ENOX2: variants seen among roughly 807,000 people sequenced by gnomAD.
The protein encoded by ENOX2 is APK1 antigen.
In ENOX2, 36 loss-of-function variants were observed where a neutral mutation model predicts 45.0. The ratio of observed to expected loss-of-function variants is 0.80; its 90% CI spans 0.61 to 1.06. The LOEUF (loss-of-function observed/expected upper bound fraction) is 1.06, where lower values mean the gene tolerates loss of function less well. Ranked by LOEUF, ENOX2 falls within the 50% of genes least tolerant of loss-of-function variation. The pLI, the probability that ENOX2 is intolerant of heterozygous loss-of-function variation, is 0.00. For synonymous variants in ENOX2, 174 were observed against 152.3 expected (o/e 1.14, Z -1.05); for missense variants, 423 against 462.5 (o/e 0.91, Z 0.78).
intron 9 of ENOX2, 142 bp from the exon 10 acceptor site, chrX:130,656,837 C>G: frequency 2.3e-6 from 1 of 430,787 alleles, no homozygotes. Context: ...GGCAAAGAGG[C>G]ATGTTGAAAG....
chrX:130,797,917 A>C (rs1204434953), intron 2 of ENOX2, among the ~76,000 whole-genome samples: 1 of 111,179 alleles, frequency 9.0e-6, no homozygotes, highest in Non-Finnish European at 1.9e-5. Flanking sequence ...CCCAGGGCCC[A>C]ACATAATATA....
intron 3 of ENOX2, among the ~76,000 whole-genome samples, chrX:130,735,505 A>G (rs1214769123): frequency 1.8e-5 from 2 of 112,068 alleles, no homozygotes; most frequent in African/African-American, 6.5e-5. Context: ...CTGTGTCTAT[A>G]TTAATAAAAT....
rs1417319038 is a variant in ENOX2, at chrX:130,749,929, C to T, written c.-39+33618G>A. ...GTGTCTCCTTGTCTGTTTTGACACT[C>T]TCTCTGTCTTCCTGCTTCTTGTCAC... is the stretch of plus-strand genomic sequence containing the variant. On this transcript the variant is annotated intron_variant, in intron 3 of 14. Transcript: ENST00000394363. 2.7e-4 allele frequency among the ~76,000 whole-genome samples: 30 copies of T among 110,424 alleles called. No individual in the cohort carries two copies. In the Admixed American group the frequency reaches 2.9e-3, roughly 11 times the overall value.
At chrX:130,713,592 C>T (rs981321011) in intron 3 of ENOX2, among the ~76,000 whole-genome samples, 3 of 111,310 alleles carry the variant, frequency 2.7e-5, no homozygotes, top group Non-Finnish European at 5.7e-5. Context: ...TCATGGACTT[C>T]TCAGATACCT....
At chrX:130,760,356 TA>T (rs752328009) in intron 3 of ENOX2, among the ~76,000 whole-genome samples, 49 of 111,878 alleles carry the variant, frequency 4.4e-4, no homozygotes, top group African/African-American at 1.3e-3. Flanking sequence ...CTTCCCACCT[TA>T]TTTCATTGGC....
At chrX:130,709,100 G>A in intron 3 of ENOX2, 1 of 446,617 alleles carries the variant, frequency 2.2e-6, no homozygotes, top group South Asian at 4.6e-5. Flanking sequence ...AGCCATATTT[G>A]TTAATTCCTT....
chrX:130,632,416 G>GC (rs1569476934), intron 12 of ENOX2, among the ~76,000 whole-genome samples: 1 of 98,396 alleles, frequency 1.0e-5, no homozygotes, highest in African/African-American at 3.6e-5. Flanking sequence ...ATGACCAGCA[G>GC]TCAAACTGAA....
chrX:130,861,095 AAAC>A (rs746992881), intron 2 of ENOX2, among the ~76,000 whole-genome samples: 7 of 111,889 alleles, frequency 6.3e-5, no homozygotes, highest in African/African-American at 2.3e-4. Context: ...CCATTTATCA[AAAC>A]AACAACAATA....
intron 3 of ENOX2, among the ~76,000 whole-genome samples, chrX:130,779,753 G>A (rs1321966766): frequency 1.8e-5 from 2 of 111,971 alleles, no homozygotes; most frequent in East Asian, 2.8e-4. Context: ...TCTATTTTGT[G>A]TAAGACACCA....
At chrX:130,687,213 A>T (rs1334274553) in intron 5 of ENOX2, among the ~76,000 whole-genome samples, 1 of 112,300 alleles carries the variant, frequency 8.9e-6, no homozygotes, top group Admixed American at 9.4e-5. Flanking sequence ...TTAGAAACTG[A>T]ACATCCTGTA....
intron 2 of ENOX2, among the ~76,000 whole-genome samples, chrX:130,870,753 T>C (rs1383613220): frequency 9.0e-6 from 1 of 111,708 alleles, no homozygotes; most frequent in Non-Finnish European, 1.9e-5. Context: ...CCACTCTATC[T>C]TTCTAGAAGG....
At chrX:130,894,963 TA>T (rs1314023445) in intron 2 of ENOX2, among the ~76,000 whole-genome samples, 1 of 111,747 alleles carries the variant, frequency 8.9e-6, no homozygotes, top group Non-Finnish European at 1.9e-5. Context: ...TCAGCACAGT[TA>T]GACTCTGATC....
intron 2 of ENOX2, among the ~76,000 whole-genome samples, chrX:130,798,721 G>T (rs1215929687): frequency 8.9e-6 from 1 of 112,060 alleles, no homozygotes; most frequent in Non-Finnish European, 1.9e-5. Flanking sequence ...CCAGGAGAAA[G>T]GTTCCAAACT....
chrX:130,776,115 T>G (rs1373796425), intron 3 of ENOX2, among the ~76,000 whole-genome samples: 1 of 111,756 alleles, frequency 8.9e-6, no homozygotes, highest in East Asian at 2.8e-4. Flanking sequence ...AAATGACATT[T>G]GCTTTCTGCA....
chrX:130,846,337 ATTTTTT>A (rs772373264), intron 2 of ENOX2, among the ~76,000 whole-genome samples: 2 of 99,800 alleles, frequency 2.0e-5, no homozygotes, highest in Non-Finnish European at 4.1e-5. Context: ...CCATGTGGCA[ATTTTTT>A]TTTTTTTTTT....
At chrX:130,847,929 C>A (rs2078139280) in intron 2 of ENOX2, among the ~76,000 whole-genome samples, 1 of 111,873 alleles carries the variant, frequency 8.9e-6, no homozygotes, top group African/African-American at 3.3e-5. Context: ...CTAATAACCC[C>A]AGTTTCAAAG....
chrX:130,748,243 G>A (rs1171041834), intron 3 of ENOX2, among the ~76,000 whole-genome samples: 1 of 111,886 alleles, frequency 8.9e-6, no homozygotes, highest in Non-Finnish European at 1.9e-5. Flanking sequence ...AGATACTGTG[G>A]GAAGTATATT....
chrX:130,643,776 A>T (rs1432125927), intron 10 of ENOX2, among the ~76,000 whole-genome samples: 4 of 112,237 alleles, frequency 3.6e-5, no homozygotes, highest in Non-Finnish European at 7.5e-5. Context: ...AAATGGACAG[A>T]TCCAGCAAAC....
At chrX:130,656,921 C>G (rs2036563247) in intron 9 of ENOX2, among the ~76,000 whole-genome samples, 1 of 111,596 alleles carries the variant, frequency 9.0e-6, no homozygotes, top group African/African-American at 3.3e-5. Context: ...ACCCAGAGCT[C>G]CAGGAGTCTA....
Sources: allele counts gnomAD v4.1 joint callset (sites outside exome capture counted in the v4.1 genomes callset), GRCh38; gene constraint gnomAD v4.1.1; transcripts MANE v1.5; gene names NCBI Gene and HGNC (gene_info 2026-07-23, HGNC 2026-07-21).